Variants in SPTSSA observed in about 807,000 individuals in gnomAD.
SPTSSA encodes the protein serine palmitoyltransferase small subunit A.
SPTSSA carries 8 observed loss-of-function variants against 9.1 expected under a neutral mutation model. The observed-to-expected ratio is 0.88, with a 90% confidence interval of 0.51 to 1.58. The LOEUF (loss-of-function observed/expected upper bound fraction) is 1.58. Ranked by LOEUF, SPTSSA falls within the 40% of genes most tolerant of loss-of-function variation. The pLI, the probability that SPTSSA is intolerant of heterozygous loss-of-function variation, is 0.00. For synonymous variants in SPTSSA, 42 were observed against 37.7 expected, an observed-to-expected ratio of 1.11 and a Z score of -0.41; for missense variants, 100 against 93.8, an observed-to-expected ratio of 1.07 and a Z score of -0.27.
intron 1 of SPTSSA, among the ~76,000 whole-genome samples, chr14:34,457,128 G>A (rs1179804389): frequency 1.3e-5 from 2 of 151,776 alleles, no homozygotes; most frequent in South Asian, 2.1e-4. Flanking sequence ...ACAGGCGCCA[G>A]CCACCATGCC....
At chr14:34,458,508 T>TA (rs905389725) in intron 1 of SPTSSA, among the ~76,000 whole-genome samples, 5 of 149,284 alleles carry the variant, frequency 3.3e-5, no homozygotes, top group South Asian at 2.1e-4. Flanking sequence ...TTTTTATTTT[T>TA]TTTTTTGAGA....
In SPTSSA at chr14:34,460,529, C is replaced by T. The variant is rs111444057; in HGVS notation, c.112+1567G>A. ...TTGCAACATAACAGAAAAATCTTAACATCATTGATAACTGTAGCATTTTAG... is the reference window on the plus strand; with the variant it reads ...TTGCAACATAACAGAAAAATCTTAATATCATTGATAACTGTAGCATTTTAG... On this transcript the variant is annotated intron_variant, in intron 1 of 1. Transcript: ENST00000298130. Among the ~76,000 whole-genome samples, 233 of 152,238 alleles carry T rather than the reference C, an allele frequency of 1.5e-3. 2 individuals are homozygous for T. Among genetic ancestry groups the T allele is most frequent in the African/African-American group, 5.0e-3 (206 of 41,538 alleles).
chr14:34,459,065 G>A (rs1203590081), intron 1 of SPTSSA, among the ~76,000 whole-genome samples: 5 of 151,114 alleles, frequency 3.3e-5, no homozygotes, highest in Admixed American at 6.6e-5. Flanking sequence ...CACCACACTC[G>A]GCCCACAACT....
chr14:34,453,960 G>C (rs543225299), intron 1 of SPTSSA, among the ~76,000 whole-genome samples: 1 of 151,508 alleles, frequency 6.6e-6, no homozygotes, highest in East Asian at 1.9e-4. Context: ...CAGGAGGACT[G>C]CTTGAGGCCA....
At chr14:34,458,904 C>CTTTT (rs759940424) in intron 1 of SPTSSA, among the ~76,000 whole-genome samples, 2,660 of 124,000 alleles carry the variant, frequency 0.021, 79 homozygotes, top group Non-Finnish European at 0.027. Flanking sequence ...GAAATTACAA[C>CTTTT]TTTTTTTTTT....
intron 1 of SPTSSA, among the ~76,000 whole-genome samples, 183 bp from the exon 2 acceptor site, chr14:34,435,487 A>G (rs1883225664): frequency 6.6e-6 from 1 of 151,736 alleles, no homozygotes; most frequent in African/African-American, 2.4e-5. Context: ...GCCTGGCACC[A>G]CTCTAAGCTG....
At chr14:34,445,852 T>C (rs1335559216) in intron 1 of SPTSSA, among the ~76,000 whole-genome samples, 1 of 152,242 alleles carries the variant, frequency 6.6e-6, no homozygotes, top group Non-Finnish European at 1.5e-5. Flanking sequence ...GTTGTCATTG[T>C]AAACCACAGA....
chr14:34,439,597 T>C (rs1239984628), intron 1 of SPTSSA, among the ~76,000 whole-genome samples: 2 of 152,200 alleles, frequency 1.3e-5, no homozygotes, highest in South Asian at 2.1e-4. Flanking sequence ...TTCCCTAATA[T>C]ACACATATCC....
At chr14:34,454,289 T>C (rs953946628) in intron 1 of SPTSSA, among the ~76,000 whole-genome samples, 3 of 152,208 alleles carry the variant, frequency 2.0e-5, no homozygotes, top group South Asian at 2.1e-4. Flanking sequence ...ACAGGACCTA[T>C]AGTGATCACT....
intron 1 of SPTSSA, among the ~76,000 whole-genome samples, chr14:34,454,330 A>G (rs962667321): frequency 6.6e-6 from 1 of 152,220 alleles, no homozygotes; most frequent in African/African-American, 2.4e-5. Flanking sequence ...ACATGCTGAA[A>G]CACTGCTGCA....
rs1441376651 is a variant in SPTSSA, at chr14:34,442,928, T to TTG, written c.113-7626_113-7625dup. 4.0e-5 allele frequency among the ~76,000 whole-genome samples: 6 copies of TTG among 151,592 alleles called. No individual in the cohort carries two copies. In the South Asian group the frequency reaches 8.4e-4, roughly 21 times the overall value. ...AGGTTCCAAGCTATTGGATCTTCCT[T>TTG]TGTGTGTGTGTATACATGTCTAGGG... On this transcript the variant is annotated intron_variant, in intron 1 of 1. Transcript: ENST00000298130.
chr14:34,449,395 G>GA (rs145776484), intron 1 of SPTSSA, among the ~76,000 whole-genome samples: 10,188 of 150,682 alleles, frequency 0.068, 608 homozygotes, highest in African/African-American at 0.16. Context: ...ACCCTGTCTT[G>GA]AAAAAAAACA....
At position 34,435,199 on chromosome 14, in the gene SPTSSA, G is replaced by C. The variant is rs1883219596; in HGVS notation, c.*2C>G. The stretch of plus-strand genomic sequence containing the variant: ...GAACCTCTGATCCTGGTCGCATCTT[G>C]GTCATTGTACGATTTCAAAGTAGTG... On this transcript the variant is annotated 3_prime_UTR_variant, in exon 2 of 2. Transcript: ENST00000298130. 1 of 1,611,442 alleles carries C rather than the reference G, an allele frequency of 6.2e-7. No individual in the cohort carries two copies. The highest frequency in any genetic ancestry group is 1.3e-5 in the African/African-American group (1 of 74,848).
chr14:34,448,209 C>T (rs776113906), intron 1 of SPTSSA, among the ~76,000 whole-genome samples: 9 of 151,966 alleles, frequency 5.9e-5, no homozygotes, highest in East Asian at 3.9e-4. Flanking sequence ...TGAGCCAAGA[C>T]GATGCCACTG....
chr14:34,442,955 GGTGTGTGT>G (rs958490338), intron 1 of SPTSSA, among the ~76,000 whole-genome samples: 1 of 124,116 alleles, frequency 8.1e-6, no homozygotes, highest in Non-Finnish European at 1.7e-5. Flanking sequence ...TGTCTAGGGG[GGTGTGTGT>G]GTGTGTGTGT....
At position 34,461,503 on chromosome 14, in the gene SPTSSA, G is replaced by T. The variant is rs367828521; in HGVS notation, c.112+593C>A. 9.2e-5 allele frequency among the ~76,000 whole-genome samples: 14 copies of T among 152,252 alleles called. No homozygotes were observed. The East Asian group carries it at 2.7e-3, about 29-fold the overall frequency. ...TTTCGGGCCGACTTCTACGGACGGT[G>T]CACAGAAGCAATAAATACACTTTTA... On this transcript the variant is annotated intron_variant, in intron 1 of 1. Transcript: ENST00000298130.
chr14:34,441,363 A>G (rs548949221), intron 1 of SPTSSA, among the ~76,000 whole-genome samples: 1 of 152,214 alleles, frequency 6.6e-6, no homozygotes, highest in Admixed American at 6.5e-5. Context: ...CAAGGAACCA[A>G]TGGAATCCTC....
intron 1 of SPTSSA, among the ~76,000 whole-genome samples, chr14:34,445,362 G>A (rs1417640062): frequency 6.6e-6 from 1 of 152,004 alleles, no homozygotes; most frequent in South Asian, 2.1e-4. Context: ...CTAGCCGAGC[G>A]TGGTGGCATG....
At chr14:34,456,531 T>A (rs1170027977) in intron 1 of SPTSSA, among the ~76,000 whole-genome samples, 1 of 152,014 alleles carries the variant, frequency 6.6e-6, no homozygotes, top group Non-Finnish European at 1.5e-5. Context: ...CATGGAAACA[T>A]CATCAGCAGC....
Sources: allele counts gnomAD v4.1 joint callset (sites outside exome capture counted in the v4.1 genomes callset), GRCh38; gene constraint gnomAD v4.1.1; transcripts MANE v1.5; gene names NCBI Gene and HGNC (gene_info 2026-07-23, HGNC 2026-07-21).